The following GPM6A variants were observed in gnomAD, a reference collection of about 807,000 sequenced individuals.
GPM6A encodes neuronal membrane glycoprotein M6-a.
Under a neutral mutation model 32.1 loss-of-function variants are expected in GPM6A, and 7 were observed. That is an observed-to-expected ratio of 0.22 (90% CI 0.12 to 0.41). The LOEUF is 0.41. GPM6A is among the 10% of genes least tolerant of loss of function. The probability of loss-of-function intolerance (pLI) is 1.00; values close to 1 mark genes in which losing one functional copy is unlikely to be tolerated. For synonymous variants in GPM6A, 130 were observed against 123.4 expected, an observed-to-expected ratio of 1.05 and a Z score of -0.35; for missense variants, 235 against 347.2, an observed-to-expected ratio of 0.68 and a Z score of 2.57.
intron 1 of GPM6A, among the ~76,000 whole-genome samples, chr4:175,838,723 C>T (rs898233522): frequency 2.3e-5 from 3 of 132,896 alleles, no homozygotes; most frequent in East Asian, 2.3e-4. Context: ...GGTGCAATTT[C>T]GGCTCACCAG....
intron 1 of GPM6A, among the ~76,000 whole-genome samples, chr4:175,947,361 CTT>C (rs1739643036): frequency 6.6e-6 from 1 of 151,982 alleles, no homozygotes; most frequent in Non-Finnish European, 1.5e-5. Context: ...AAGACACTAT[CTT>C]AATAATATTT....
chr4:175,804,817 G>A (rs1238415185), intron 1 of GPM6A, among the ~76,000 whole-genome samples: 6 of 152,122 alleles, frequency 3.9e-5, no homozygotes, highest in East Asian at 1.9e-4. Context: ...AGGCAGAGGC[G>A]GGCGGATCAC....
chr4:175,948,445 A>AC (rs568410327), intron 1 of GPM6A, among the ~76,000 whole-genome samples: 61 of 152,160 alleles, frequency 4.0e-4, no homozygotes, highest in African/African-American at 1.4e-3. Context: ...CTGGTTTTGG[A>AC]CCCCCAGCAT....
intron 1 of GPM6A, among the ~76,000 whole-genome samples, chr4:175,946,238 CA>C: frequency 6.6e-6 from 1 of 152,246 alleles, no homozygotes; most frequent in East Asian, 1.9e-4. Flanking sequence ...TCAACTAAGA[CA>C]AGGCACCAAA....
At chr4:175,851,705 G>T (rs1448440424) in intron 1 of GPM6A, among the ~76,000 whole-genome samples, 1 of 152,146 alleles carries the variant, frequency 6.6e-6, no homozygotes, top group Non-Finnish European at 1.5e-5. Context: ...CCAACAGGTG[G>T]CACAATATGC....
chr4:175,812,331 T>G (rs1734963176), upstream of GPM6A: 1 of 1,349,298 alleles, frequency 7.4e-7, no homozygotes, highest in African/African-American at 1.7e-5. Flanking sequence ...TTTTTTTTTT[T>G]TTTTTTTTTC....
chr4:175,930,436 T>TGGG (rs1560998936), intron 1 of GPM6A, among the ~76,000 whole-genome samples: 43 of 81,448 alleles, frequency 5.3e-4, no homozygotes, highest in Admixed American at 1.7e-3. Context: ...GGGGGGGGGT[T>TGGG]TTTTTGTTGT....
chr4:175,886,710 T>C (rs975266071), intron 1 of GPM6A, among the ~76,000 whole-genome samples: 1 of 136,668 alleles, frequency 7.3e-6, no homozygotes, highest in Non-Finnish European at 1.6e-5. Flanking sequence ...ATGGTAAAGG[T>C]AAAACTCAGT....
At chr4:175,789,171 AC>A (rs1174242992) in intron 1 of GPM6A, among the ~76,000 whole-genome samples, 1 of 152,204 alleles carries the variant, frequency 6.6e-6, no homozygotes, top group African/African-American at 2.4e-5. Flanking sequence ...GATATTTAAT[AC>A]GTCTTCTTTT....
intron 1 of GPM6A, among the ~76,000 whole-genome samples, chr4:175,715,748 A>G (rs1384768397): frequency 6.6e-6 from 1 of 151,910 alleles, no homozygotes; most frequent in Non-Finnish European, 1.5e-5. Context: ...TCTTCACTAA[A>G]CTATGAAAGC....
intron 1 of GPM6A, among the ~76,000 whole-genome samples, chr4:175,966,432 T>C (rs1170554213): frequency 1.3e-5 from 2 of 148,764 alleles, no homozygotes; most frequent in African/African-American, 2.4e-5. Context: ...ATAATATATA[T>C]ATATTTCAAA....
intron 1 of GPM6A, among the ~76,000 whole-genome samples, chr4:175,738,968 T>C (rs1289151423): frequency 1.3e-5 from 2 of 152,170 alleles, no homozygotes; most frequent in Non-Finnish European, 2.9e-5. Flanking sequence ...GCTAGTAGTC[T>C]TTGCTTTCAT....
chr4:175,813,443 A>G (rs1210479171), upstream of GPM6A, among the ~76,000 whole-genome samples: 13 of 152,174 alleles, frequency 8.5e-5, no homozygotes, highest in Admixed American at 8.5e-4. Context: ...TTCAAGGAGC[A>G]TAAACCTTTC....
chr4:175,967,431 G>A (rs1740364701), intron 1 of GPM6A, among the ~76,000 whole-genome samples: 1 of 151,994 alleles, frequency 6.6e-6, no homozygotes, highest in Non-Finnish European at 1.5e-5. Flanking sequence ...TCCAGCTAAA[G>A]CAATAAGACA....
chr4:175,976,318 C>T (rs571664682), intron 1 of GPM6A, among the ~76,000 whole-genome samples: 1 of 111,382 alleles, frequency 9.0e-6, no homozygotes, highest in Non-Finnish European at 1.9e-5. Flanking sequence ...CCTGCCACCA[C>T]GCCTGGCTAA....
chr4:175,981,551 A>G (rs539842556), intron 1 of GPM6A, among the ~76,000 whole-genome samples: 53 of 152,222 alleles, frequency 3.5e-4, no homozygotes, highest in African/African-American at 1.2e-3. Context: ...TCCATGTCCT[A>G]TGTTATTGAG....
chr4:175,669,982 G>A (rs575401623), intron 3 of GPM6A, among the ~76,000 whole-genome samples: 4 of 151,980 alleles, frequency 2.6e-5, no homozygotes, highest in South Asian at 2.1e-4. Context: ...ACATGGAACC[G>A]GGTGTTCTTT....
chr4:175,677,060 A>G (rs74565493), intron 2 of GPM6A, among the ~76,000 whole-genome samples: 12,146 of 152,200 alleles, frequency 0.08, 686 homozygotes, highest in Non-Finnish European at 0.13. Context: ...AATTTTTTAG[A>G]TCAACTTCAA....
At chr4:175,724,379 G>A (rs900695749) in intron 1 of GPM6A, among the ~76,000 whole-genome samples, 3 of 151,906 alleles carry the variant, frequency 2.0e-5, no homozygotes, top group African/African-American at 4.8e-5. Context: ...ACCCCGTCTC[G>A]ACAAAAACAC....
Sources: gnomAD v4.1 joint callset for allele counts (sites outside exome capture counted in the v4.1 genomes callset) on GRCh38, gnomAD v4.1.1 for gene constraint, MANE v1.5 for transcripts, NCBI Gene and HGNC (gene_info 2026-07-23, HGNC 2026-07-21) for gene names.